The following GRIN2B variants were observed in gnomAD, a reference collection of about 807,000 sequenced individuals.
GRIN2B encodes glutamate receptor ionotropic, NMDA 2B.
A neutral mutation model predicts 114.5 loss-of-function variants in GRIN2B; 5 were observed. The observed-to-expected ratio is 0.04, with a 90% CI of 0.02 to 0.09. GRIN2B has a LOEUF of 0.09. GRIN2B is among the 10% of genes least tolerant of loss of function. The pLI is 1.00. For synonymous variants in GRIN2B, 787 were observed against 745.1 expected (o/e 1.06, Z -0.92); for missense variants, 1,108 against 1,943.5 (o/e 0.57, Z 8.08).
chr12:13,790,157 C>T (rs540179265), intron 3 of GRIN2B, among the ~76,000 whole-genome samples: 10 of 152,324 alleles, frequency 6.6e-5, no homozygotes, highest in Middle Eastern at 3.4e-3. Flanking sequence ...CCTCCATCTG[C>T]CTATCCATCA....
intron 2 of GRIN2B, among the ~76,000 whole-genome samples, chr12:13,974,739 C>T (rs1244184853): frequency 3.9e-5 from 6 of 152,026 alleles, no homozygotes; most frequent in Non-Finnish European, 8.8e-5. Context: ...CTGGGCTACA[C>T]CACTAGATCC....
In GRIN2B at chr12:13,564,358, A is replaced by T; in HGVS notation, c.2880T>A (p.Ser960Arg). The change falls in exon 14 of 14, where the codon AGT becomes AGA. Residue 960 changes from serine (S) to arginine (R), a missense_variant. By Grantham distance (110) the Ser-to-Arg change is moderately radical. This residue lies in a region of GRIN2B where 140 missense variants were observed against 187.5 expected (regional missense o/e 0.75). Transcript: ENST00000609686. This position sits in a 1 kb window ranked among gnomAD's most constrained non-coding sequence, Gnocchi z 4.8. Reference sequence around the variant, plus strand: ...TTCTCTCTACCTCACTGATGTAGTCACTGAAGAGGTTCTCCTCACAGGGCG... The same window carrying T: ...TTCTCTCTACCTCACTGATGTAGTCTCTGAAGAGGTTCTCCTCACAGGGCG... ...NNPPCEENLFSDYISEVERTF... is the reference protein window; with the variant it reads ...NNPPCEENLFRDYISEVERTF... 6 of 1,614,148 alleles carry T rather than the reference A, an allele frequency of 3.7e-6. No individual in the cohort carries two copies. The highest frequency in any genetic ancestry group is 5.1e-6 in the Non-Finnish European group (6 of 1,180,016).
At chr12:13,691,960 C>T (rs1950217894) in intron 4 of GRIN2B, among the ~76,000 whole-genome samples, 1 of 151,936 alleles carries the variant, frequency 6.6e-6, no homozygotes, top group African/African-American at 2.4e-5. Flanking sequence ...CTAACCACAC[C>T]TAAAGCTCTA....
intron 3 of GRIN2B, among the ~76,000 whole-genome samples, chr12:13,767,183 C>T (rs952084576): frequency 4.0e-5 from 6 of 150,238 alleles, no homozygotes; most frequent in African/African-American, 1.5e-4. Flanking sequence ...TGGCGTGAGG[C>T]CGGGAGGCGG....
At chr12:13,728,519 T>A (rs1336788224) in intron 4 of GRIN2B, among the ~76,000 whole-genome samples, 1 of 152,056 alleles carries the variant, frequency 6.6e-6, no homozygotes, top group African/African-American at 2.4e-5. Context: ...AGAGCTGTAG[T>A]TTGGGGCTTC....
chr12:13,859,849 GT>G (rs1865725572), intron 3 of GRIN2B, among the ~76,000 whole-genome samples: 1 of 152,216 alleles, frequency 6.6e-6, no homozygotes, highest in East Asian at 1.9e-4. Flanking sequence ...TATTATGTTA[GT>G]TTTTTTCCTC....
At chr12:13,584,463 G>T (rs1948891466) in intron 10 of GRIN2B, among the ~76,000 whole-genome samples, 1 of 152,224 alleles carries the variant, frequency 6.6e-6, no homozygotes, top group Non-Finnish European at 1.5e-5. Flanking sequence ...CGCACATGTG[G>T]ATATATTTAT....
chr12:13,951,959 A>G (rs1047903770), intron 2 of GRIN2B, among the ~76,000 whole-genome samples: 33 of 152,224 alleles, frequency 2.2e-4, no homozygotes, highest in Non-Finnish European at 4.4e-4. Context: ...ATAGATTAAT[A>G]CATTTATCTG....
chr12:13,852,935 C>A (rs1431605623), intron 3 of GRIN2B, among the ~76,000 whole-genome samples: 1 of 152,140 alleles, frequency 6.6e-6, no homozygotes, highest in Non-Finnish European at 1.5e-5. Flanking sequence ...CGGAGCACCT[C>A]CTCAGCCTCA....
At chr12:13,832,715 T>C in intron 3 of GRIN2B, among the ~76,000 whole-genome samples, 1 of 152,218 alleles carries the variant, frequency 6.6e-6, no homozygotes, top group Non-Finnish European at 1.5e-5. Context: ...TCACTGAACA[T>C]GTAAAATGTT....
chr12:13,850,738 T>C (rs1204442018), intron 3 of GRIN2B, among the ~76,000 whole-genome samples: 2 of 152,178 alleles, frequency 1.3e-5, no homozygotes, highest in Admixed American at 1.3e-4. Context: ...CAAGGCTAAA[T>C]GCTTGATGTC....
Position 13,630,239 on chromosome 12 carries a change from T to C in GRIN2B, c.1126-13582A>G, listed in dbSNP as rs535797830. ...TTCTACCAATACTAGCTAATATTTA[T>C]TGAGCATTTGGTATGTCAGAGGTGA... is the stretch of plus-strand genomic sequence containing the variant. On this transcript the variant is annotated intron_variant, in intron 5 of 13. Coordinates refer to ENST00000609686, the MANE Select transcript of GRIN2B (RefSeq NM_000834.5). 5.1e-4 allele frequency among the ~76,000 whole-genome samples: 77 copies of C among 152,360 alleles called. 1 individual carries two copies. Among genetic ancestry groups the C allele is most frequent in the Non-Finnish European group, 5.4e-4 (37 of 68,032 alleles).
At chr12:13,799,465 G>A (rs1475815384) in intron 3 of GRIN2B, among the ~76,000 whole-genome samples, 1 of 152,134 alleles carries the variant, frequency 6.6e-6, no homozygotes. Flanking sequence ...ATGAGGCTGA[G>A]ACCAAATACT....
At chr12:13,750,404 G>A (rs1321847672) in intron 4 of GRIN2B, among the ~76,000 whole-genome samples, 4 of 152,174 alleles carry the variant, frequency 2.6e-5, no homozygotes, top group African/African-American at 9.7e-5. Flanking sequence ...CATAAGCCAA[G>A]CAGGAAATAA....
chr12:13,930,291 G>C (rs1253965046), intron 2 of GRIN2B, among the ~76,000 whole-genome samples: 1 of 152,178 alleles, frequency 6.6e-6, no homozygotes, highest in Non-Finnish European at 1.5e-5. Flanking sequence ...TGGTGATTCA[G>C]AGAAATATAA....
At chr12:13,774,297 G>A (rs1180752599) in intron 3 of GRIN2B, among the ~76,000 whole-genome samples, 2 of 152,230 alleles carry the variant, frequency 1.3e-5, no homozygotes, top group African/African-American at 2.4e-5. Flanking sequence ...AATTTTGCTA[G>A]TGGGTTTTTA....
chr12:13,569,854 C>T lies in GRIN2B; in HGVS notation c.2335G>A (p.Ala779Thr). 1 of 1,608,522 alleles carries T rather than the reference C, an allele frequency of 6.2e-7. No individual in the cohort carries two copies. Among genetic ancestry groups the T allele is most frequent in the Non-Finnish European group, 8.5e-7 (1 of 1,176,808 alleles). Residue 779 changes from alanine (A) to threonine (T), a missense_variant, in exon 12 of 14, where the codon GCT (alanine) becomes ACT (threonine). This residue lies in a region of GRIN2B where 35 missense variants were observed against 194.7 expected (regional missense o/e 0.18). Transcript: ENST00000609686. Reference protein sequence around the residue: ...DSGWKRQVDLAILQLFGDGEM... With the variant: ...DSGWKRQVDLTILQLFGDGEM... ...CCATCTCCAAAGAGCTGCAGGATAGCAAGGTCCACCTGGCGCTTCCACCCA... is the reference window on the plus strand; with the variant it reads ...CCATCTCCAAAGAGCTGCAGGATAGTAAGGTCCACCTGGCGCTTCCACCCA...
Position 13,555,436 on chromosome 12 carries a change from G to C in GRIN2B, c.*7347C>G, listed in dbSNP as rs1948467829. The C allele has an allele frequency of 6.6e-6, 1 of 152,154 alleles. No homozygotes were observed. Among genetic ancestry groups the C allele is most frequent in the African/African-American group, 2.4e-5 (1 of 41,434 alleles). The allele number at this position is 152,154 out of a possible 1,614,324, so 9.4% of individuals were successfully genotyped here. On this transcript the variant is annotated 3_prime_UTR_variant, in exon 14 of 14. Coordinates refer to ENST00000609686, the MANE Select transcript of GRIN2B (RefSeq NM_000834.5). ...TTGGGAAGTGAAAAGATAGCGATAG[G>C]ACAGAAATTCAAGAGTCAAATTGGA...
At chr12:13,886,971 G>A (rs567235667) in intron 2 of GRIN2B, among the ~76,000 whole-genome samples, 88 of 152,206 alleles carry the variant, frequency 5.8e-4, no homozygotes, top group Non-Finnish European at 9.6e-4. Flanking sequence ...TTTAACAGAC[G>A]AATAAACTGA....
Sources: gnomAD v4.1 joint callset for allele counts (sites outside exome capture counted in the v4.1 genomes callset) on GRCh38, gnomAD v4.1.1 for gene constraint, gnomAD v4.1.1 regional missense constraint, Gnocchi (gnomAD v3.1) non-coding constraint, MANE v1.5 for transcripts, NCBI Gene and HGNC (gene_info 2026-07-23, HGNC 2026-07-21) for gene names.